Variants in ZC3H15 observed in about 807,000 individuals in gnomAD.
ZC3H15 encodes zinc finger CCCH domain-containing protein 15.
In ZC3H15, 15 loss-of-function variants were observed where a neutral mutation model predicts 51.2. The ratio of observed to expected loss-of-function variants is 0.29; its 90% CI spans 0.20 to 0.45. ZC3H15 has a LOEUF of 0.45. Among genes scored for constraint, ZC3H15 ranks in the 20% least tolerant of loss-of-function variants. ZC3H15 has a pLI of 1.00. For synonymous variants in ZC3H15, 144 were observed against 162.8 expected (o/e 0.88, Z 0.88); for missense variants, 381 against 494.7 (o/e 0.77, Z 2.18).
At chr2:186,492,799 C>T (rs1469368867) in intron 1 of ZC3H15, among the ~76,000 whole-genome samples, 1 of 152,046 alleles carries the variant, frequency 6.6e-6, no homozygotes, top group Non-Finnish European at 1.5e-5. Flanking sequence ...CTTTTCCTTT[C>T]CCTTAGAAAT....
At chr2:186,488,823 C>CTA (rs3835761) in intron 1 of ZC3H15, 98,858 of 151,962 alleles carry the variant, frequency 0.65, 32,545 homozygotes, top group Non-Finnish European at 0.71. Context: ...GGTGGTGTGT[C>CTA]TATTTCTCTG....
rs1196721138 is a variant in ZC3H15, at chr2:186,508,719, G to C, written c.1267G>C (p.Asp423His). 1 of 1,613,768 alleles carries C rather than the reference G, an allele frequency of 6.2e-7. No individual in the cohort carries two copies. Among genetic ancestry groups the C allele is most frequent in the Non-Finnish European group, 8.5e-7 (1 of 1,179,916 alleles). ...ACTAGAAGAAGAATTAAATACACTT[G>C]ATTTAGAAGAATGACACCAAACACA... ...DELEEELNTL[D>H]LEE Residue 423 changes from aspartate (D) to histidine (H), a missense_variant, in exon 10 of 10, where the codon GAT becomes CAT. Around this residue, in one of 3 missense-constraint regions of ZC3H15, gnomAD observed 215 missense variants for 241.8 expected, o/e 0.89. Transcript: ENST00000337859.
At chr2:186,506,155 A>C in intron 8 of ZC3H15, 1 of 393,212 alleles carries the variant, frequency 2.5e-6, no homozygotes. Flanking sequence ...CTCCCTCTAA[A>C]AGAGAGAGTT....
chr2:186,486,894 T>C lies in ZC3H15; in HGVS notation c.75+437T>C, dbSNP rs1685105170. On this transcript the variant is annotated intron_variant, in intron 1 of 9. Transcript: ENST00000337859. ...TATTTCTTTACCCGTCACCCAGGGATGGTACTGTTAGTTCTTTTGAACCAA... is the reference window on the plus strand; with the variant it reads ...TATTTCTTTACCCGTCACCCAGGGACGGTACTGTTAGTTCTTTTGAACCAA... The C allele has an allele frequency of 1.2e-5, 2 of 165,334 alleles. 1 individual carries two copies. Among genetic ancestry groups the C allele is most frequent in the African/African-American group, 4.8e-5 (2 of 42,070 alleles). 10.2% of individuals were successfully genotyped at this position (165,334 alleles called of 1,614,324 possible).
rs573618519 is a variant in ZC3H15, at chr2:186,506,794, G to A, written c.1048G>A (p.Ala350Thr). The A allele has an allele frequency of 2.5e-6, 4 of 1,613,706 alleles. No individual in the cohort carries two copies. In the South Asian group the frequency reaches 3.3e-5, roughly 13 times the overall value. ...RDVDETGITV[A>T]SLERFSTYTS... is the part of the protein sequence containing the mutation. ...TGTAGATGAAACAGGTATTACTGTA[G>A]CCAGTCTTGAAAGATTCAGCACATA... The change falls in exon 9 of 10, where the codon GCC (alanine) becomes ACC (threonine). Residue 350 changes from alanine to threonine, a missense_variant. Transcript: ENST00000337859.
intron 2 of ZC3H15, among the ~76,000 whole-genome samples, chr2:186,497,382 T>G (rs1020643063): frequency 6.6e-6 from 1 of 152,168 alleles, no homozygotes; most frequent in East Asian, 1.9e-4. Context: ...ACTGCTAACT[T>G]AATAGCCCGG....
At chr2:186,486,950 A>G (rs1685106577) in intron 1 of ZC3H15, 1 of 154,458 alleles carries the variant, frequency 6.5e-6, no homozygotes, top group African/African-American at 2.4e-5. Flanking sequence ...TTTTCGATCC[A>G]CCTCTGAAAT....
intron 1 of ZC3H15, 95 bp downstream of exon 1, chr2:186,486,552 G>A: frequency 7.3e-7 from 1 of 1,373,604 alleles, no homozygotes; most frequent in Non-Finnish European, 9.8e-7. Context: ...GCTTCCTCGG[G>A]CCACGTGTTC....
chr2:186,499,555 G>A, intron 2 of ZC3H15: 1 of 455,928 alleles, frequency 2.2e-6, no homozygotes, highest in Non-Finnish European at 4.4e-6. Context: ...CATCCTGCTA[G>A]ATTCTGAGCT....
intron 8 of ZC3H15, 66 bp downstream of exon 8, chr2:186,505,907 C>T: frequency 6.6e-7 from 1 of 1,524,116 alleles, no homozygotes. Context: ...AATACCACAA[C>T]ATGGTTAAGA....
At chr2:186,494,819 G>A (rs921894565) in intron 1 of ZC3H15, among the ~76,000 whole-genome samples, 2 of 152,124 alleles carry the variant, frequency 1.3e-5, no homozygotes, top group African/African-American at 4.8e-5. Flanking sequence ...GGGGCCTGTT[G>A]TGGGGTGGCG....
At chr2:186,505,986 C>G (rs1685460816) in intron 8 of ZC3H15, 145 bp downstream of exon 8, 1 of 780,548 alleles carries the variant, frequency 1.3e-6, no homozygotes, top group African/African-American at 1.7e-5. Context: ...TTAATCTAGG[C>G]CTCCACCCTC....
At chr2:186,487,079 G>T (rs367711605) in intron 1 of ZC3H15, 1 of 152,160 alleles carries the variant, frequency 6.6e-6, no homozygotes, top group African/African-American at 2.4e-5. Context: ...AAGAGATTAG[G>T]TTTCAGTGTC....
At chr2:186,505,918 G>A in intron 8 of ZC3H15, 77 bp downstream of exon 8, 1 of 1,462,574 alleles carries the variant, frequency 6.8e-7, no homozygotes, top group South Asian at 1.2e-5. Context: ...ATGGTTAAGA[G>A]CCACCAACAT....
chr2:186,496,472 G>T (rs1162312463), intron 2 of ZC3H15, among the ~76,000 whole-genome samples: 1 of 152,152 alleles, frequency 6.6e-6, no homozygotes, highest in East Asian at 1.9e-4. Flanking sequence ...AAAGTGCTAG[G>T]ATTACACACG....
chr2:186,507,975 G>A (rs1206505901), intron 9 of ZC3H15, among the ~76,000 whole-genome samples: 1 of 152,056 alleles, frequency 6.6e-6, no homozygotes, highest in Non-Finnish European at 1.5e-5. Flanking sequence ...ATTGTCAATG[G>A]CATTGAACAA....
Position 186,504,188 on chromosome 2 carries a change from T to G in ZC3H15, c.691T>G (p.Ser231Ala). ...KKKEEKEDEISLEDLIERERS... is the reference protein window; with the variant it reads ...KKKEEKEDEIALEDLIERERS... ...GAAAGAAGAGAAAGAAGATGAAATT[T>G]CATTAGAAGATCTAATTGAGAGAGA... Residue 231 changes from serine to alanine, a missense_variant, in exon 6 of 10, where the codon TCA becomes GCA. This residue lies in a region of ZC3H15 where 215 missense variants were observed against 241.8 expected (regional missense o/e 0.89). Transcript: ENST00000337859. 1 of 1,600,244 alleles carries G rather than the reference T, an allele frequency of 6.2e-7. No individual in the cohort carries two copies. Among genetic ancestry groups the G allele is most frequent in the East Asian group, 2.3e-5 (1 of 44,328 alleles).
chr2:186,506,013 A>G (rs1207690784), intron 8 of ZC3H15, 172 bp downstream of exon 8: 2 of 715,282 alleles, frequency 2.8e-6, no homozygotes, highest in South Asian at 1.5e-5. Context: ...TATGGACATA[A>G]TGATTATCTC....
At position 186,486,268 on chromosome 2, in the gene ZC3H15, T is replaced by TA; in HGVS notation, c.-115_-114insA. The TA allele has an allele frequency of 8.2e-7, 1 of 1,214,388 alleles. No homozygotes were observed. Among genetic ancestry groups the TA allele is most frequent in the Non-Finnish European group, 1.1e-6 (1 of 909,804 alleles). The allele number at this position is 1,214,388 out of a possible 1,614,324, so 75.2% of individuals were successfully genotyped here. ...TTGCGGGGCCAATGAGCGACTCGCT[T>TA]TCCGTGCGGTGCGGCGAGTGAGGCC... On this transcript the variant is annotated 5_prime_UTR_variant, in exon 1 of 10. Coordinates refer to ENST00000337859, the MANE Select transcript of ZC3H15 (RefSeq NM_018471.3).
Sources: gnomAD v4.1 joint callset for allele counts (sites outside exome capture counted in the v4.1 genomes callset) on GRCh38, gnomAD v4.1.1 for gene constraint, gnomAD v4.1.1 regional missense constraint, MANE v1.5 for transcripts, NCBI Gene and HGNC (gene_info 2026-07-23, HGNC 2026-07-21) for gene names.